CNOT6L: variants seen among roughly 807,000 people sequenced by gnomAD.
The protein encoded by CNOT6L is CCR4-NOT transcription complex subunit 6 like.
A neutral mutation model predicts 64.0 loss-of-function variants in CNOT6L; 7 were observed. The ratio of observed to expected loss-of-function variants is 0.11; its 90% CI spans 0.06 to 0.21. CNOT6L has a LOEUF of 0.21. Ranked by LOEUF, CNOT6L falls within the 10% of genes least tolerant of loss-of-function variation. The pLI is 1.00. For missense variants in CNOT6L, 245 were observed against 669.0 expected (o/e 0.37, Z 6.99); for synonymous variants, 193 against 243.4 (o/e 0.79, Z 1.93).
intron 1 of CNOT6L, among the ~76,000 whole-genome samples, chr4:77,803,532 A>G (rs1390393575): frequency 6.6e-6 from 1 of 152,224 alleles, no homozygotes; most frequent in African/African-American, 2.4e-5. Context: ...ATCATCAAAA[A>G]TACAGAAATA....
Position 77,766,775 on chromosome 4 carries a change from AAC to A in CNOT6L, c.400+6304_400+6305del, listed in dbSNP as rs201859540. On this transcript the variant is annotated intron_variant, in intron 4 of 11. Coordinates refer to ENST00000504123, the MANE Select transcript of CNOT6L (RefSeq NM_144571.3). ...AAGAAGAAAAAACCTTAAAAAATAA[AAC>A]AGTTGGCCAGGCACGGTGGCTCATA... is the stretch of plus-strand genomic sequence containing the variant. 5.3e-3 allele frequency among the ~76,000 whole-genome samples: 802 copies of A among 151,978 alleles called. 7 individuals are homozygous for A. Among genetic ancestry groups the A allele is most frequent in the African/African-American group, 0.018 (755 of 41,516 alleles).
chr4:77,768,421 C>T (rs1021739037), intron 4 of CNOT6L, among the ~76,000 whole-genome samples: 7 of 149,026 alleles, frequency 4.7e-5, no homozygotes, highest in Admixed American at 2.0e-4. Context: ...GCCGAGATCG[C>T]GCCACTGCAC....
At chr4:77,770,999 TACAAAGG>T (rs1342075140) in intron 4 of CNOT6L, among the ~76,000 whole-genome samples, 2 of 152,164 alleles carry the variant, frequency 1.3e-5, no homozygotes, top group Admixed American at 6.5e-5. Flanking sequence ...ATGTTTCTAA[TACAAAGG>T]GTAAGTCCAC....
intron 1 of CNOT6L, among the ~76,000 whole-genome samples, chr4:77,791,006 G>A (rs6842277): frequency 0.047 from 7,164 of 151,894 alleles, 224 homozygotes; most frequent in Middle Eastern, 0.15. Context: ...AGCCAGGTGC[G>A]GTGGCTCATA....
intron 7 of CNOT6L, 68 bp downstream of exon 7, chr4:77,744,650 G>T (rs965451350): frequency 1.3e-5 from 18 of 1,351,464 alleles, no homozygotes; most frequent in Middle Eastern, 2.6e-4. Flanking sequence ...CTCTCCCAGT[G>T]GTCAGATCTT....
At chr4:77,752,959 C>CT (rs1725010260) in intron 5 of CNOT6L, among the ~76,000 whole-genome samples, 1 of 151,542 alleles carries the variant, frequency 6.6e-6, no homozygotes, top group Non-Finnish European at 1.5e-5. Context: ...AATTTATCAT[C>CT]TGCATAAATT....
chr4:77,743,364 C>CAAGAAACT lies in CNOT6L; in HGVS notation c.718-1077_718-1070dup, dbSNP rs1242124311. On this transcript the variant is annotated intron_variant, in intron 7 of 11. Coordinates refer to ENST00000504123, the MANE Select transcript of CNOT6L (RefSeq NM_144571.3). ...TACAAATACTAAACCAAGAAGTAGA[C>CAAGAAACT]AAGAAACTACAATAGCCTGATTTTG... 4.6e-5 allele frequency among the ~76,000 whole-genome samples: 7 copies of CAAGAAACT among 152,060 alleles called. No individual in the cohort carries two copies. In the East Asian group the frequency reaches 9.7e-4, roughly 21 times the overall value.
chr4:77,743,114 G>C (rs1723774729), intron 7 of CNOT6L, among the ~76,000 whole-genome samples: 2 of 152,014 alleles, frequency 1.3e-5, no homozygotes, highest in Admixed American at 6.6e-5. Flanking sequence ...TTAATGTATA[G>C]AAGAAAAATA....
chr4:77,812,845 C>A (rs932560837), intron 1 of CNOT6L, among the ~76,000 whole-genome samples: 2 of 152,074 alleles, frequency 1.3e-5, no homozygotes, highest in Admixed American at 1.3e-4. Flanking sequence ...TATGGAAACA[C>A]AAGAGATTCA....
At chr4:77,814,035 T>C (rs1733281087) in intron 1 of CNOT6L, among the ~76,000 whole-genome samples, 1 of 152,174 alleles carries the variant, frequency 6.6e-6, no homozygotes, top group Non-Finnish European at 1.5e-5. Flanking sequence ...ATTCTTATGC[T>C]GACATACTAT....
chr4:77,755,713 T>C (rs1173617615), intron 5 of CNOT6L, among the ~76,000 whole-genome samples: 5 of 152,146 alleles, frequency 3.3e-5, no homozygotes, highest in African/African-American at 1.2e-4. Context: ...TTATAAACCT[T>C]ACTTTATGTG....
intron 4 of CNOT6L, among the ~76,000 whole-genome samples, chr4:77,768,474 AATATATATATATATATAT>A (rs1193284066): frequency 0.011 from 142 of 13,128 alleles, 4 homozygotes; most frequent in African/African-American, 0.02. Flanking sequence ...AAAATAAATA[AATATATATATATATATAT>A]ATATATATAT....
chr4:77,714,131 C>G lies in CNOT6L; in HGVS notation c.*6300G>C, dbSNP rs1409550035. On this transcript the variant is annotated 3_prime_UTR_variant, in exon 12 of 12. Transcript: ENST00000504123. ...TACTAAAACACCTTGCTTGGTTTTA[C>G]AGTCATGTGCTTTGCTTTGCAACCA... 2.0e-5 allele frequency: 3 copies of G among 152,476 alleles called. No individual in the cohort carries two copies. Among genetic ancestry groups the G allele is most frequent in the African/African-American group, 7.3e-5 (3 of 41,360 alleles). The allele number at this position is 152,476 out of a possible 1,614,324, so 9.4% of individuals were successfully genotyped here.
chr4:77,740,434 A>G (rs186045202), intron 8 of CNOT6L, among the ~76,000 whole-genome samples: 1 of 152,246 alleles, frequency 6.6e-6, no homozygotes, highest in East Asian at 1.9e-4. Flanking sequence ...TAATCTTATA[A>G]GAGGTATTAG....
chr4:77,805,076 T>C (rs577560406), intron 1 of CNOT6L, among the ~76,000 whole-genome samples: 1 of 152,194 alleles, frequency 6.6e-6, no homozygotes, highest in South Asian at 2.1e-4. Context: ...ATTTTTCATA[T>C]ACATGGCAGG....
chr4:77,802,938 T>C (rs1277098311), intron 1 of CNOT6L, among the ~76,000 whole-genome samples: 1 of 152,196 alleles, frequency 6.6e-6, no homozygotes, highest in Non-Finnish European at 1.5e-5. Context: ...GCAGAAAACT[T>C]ATTCTAAGCA....
At chr4:77,745,241 T>C (rs1033265438) in intron 6 of CNOT6L, among the ~76,000 whole-genome samples, 2 of 152,164 alleles carry the variant, frequency 1.3e-5, no homozygotes, top group African/African-American at 4.8e-5. Context: ...AGAACTCTAA[T>C]CTCATTACCT....
upstream of CNOT6L, among the ~76,000 whole-genome samples, chr4:77,820,115 C>T (rs553309591): frequency 3.9e-5 from 6 of 152,292 alleles, no homozygotes; most frequent in Admixed American, 3.9e-4. Flanking sequence ...ACAGAGACGC[C>T]AGCTTTCGGT....
At chr4:77,768,856 TA>T (rs1399378441) in intron 4 of CNOT6L, among the ~76,000 whole-genome samples, 8 of 152,154 alleles carry the variant, frequency 5.3e-5, no homozygotes, top group Admixed American at 2.0e-4. Context: ...TAGAATCTTT[TA>T]GTACAACCAC....
Sources: gnomAD v4.1 joint callset for allele counts (sites outside exome capture counted in the v4.1 genomes callset) on GRCh38, gnomAD v4.1.1 for gene constraint, MANE v1.5 for transcripts, NCBI Gene and HGNC (gene_info 2026-07-23, HGNC 2026-07-21) for gene names.